Variants in TBC1D22A observed in about 807,000 individuals in gnomAD.
TBC1D22A encodes the protein TBC1 domain family member 22A.
In TBC1D22A, 38 loss-of-function variants were observed where a neutral mutation model predicts 60.2. The ratio of observed to expected loss-of-function variants is 0.63; its 90% confidence interval spans 0.49 to 0.83. TBC1D22A has a LOEUF of 0.83. TBC1D22A is among the 40% of genes least tolerant of loss of function. TBC1D22A has a pLI of 0.00. For missense variants in TBC1D22A, 628 were observed against 701.0 expected, an observed-to-expected ratio of 0.90 and a Z score of 1.18; for synonymous variants, 302 against 281.7, an observed-to-expected ratio of 1.07 and a Z score of -0.72.
At chr22:46,978,490 A>C (rs1428718933) in intron 9 of TBC1D22A, among the ~76,000 whole-genome samples, 1 of 152,258 alleles carries the variant, frequency 6.6e-6, no homozygotes, top group African/African-American at 2.4e-5. Context: ...CTAACTTAAT[A>C]GAAGAATTCT....
chr22:46,829,302 A>G (rs1602052677), intron 4 of TBC1D22A, among the ~76,000 whole-genome samples: 1 of 152,218 alleles, frequency 6.6e-6, no homozygotes, highest in Non-Finnish European at 1.5e-5. Flanking sequence ...TTCAGGGCAC[A>G]TATTACGTAG....
chr22:46,787,610 G>C (rs1223889830), intron 1 of TBC1D22A, among the ~76,000 whole-genome samples: 1 of 152,108 alleles, frequency 6.6e-6, no homozygotes, highest in African/African-American at 2.4e-5. Flanking sequence ...TAGTTGCAAA[G>C]GTACATATGT....
intron 8 of TBC1D22A, among the ~76,000 whole-genome samples, chr22:46,924,703 C>T (rs1167640859): frequency 6.6e-6 from 1 of 151,864 alleles, no homozygotes; most frequent in Non-Finnish European, 1.5e-5. Flanking sequence ...CAAGATTGTG[C>T]CATTGCACTC....
At chr22:47,103,321 C>A (rs1416782498) in intron 11 of TBC1D22A, among the ~76,000 whole-genome samples, 1 of 152,174 alleles carries the variant, frequency 6.6e-6, no homozygotes, top group African/African-American at 2.4e-5. Flanking sequence ...GCCAGGGCTC[C>A]TGGGAAGAAG....
At chr22:47,123,035 A>G (rs1008842454) in intron 12 of TBC1D22A, among the ~76,000 whole-genome samples, 1 of 152,146 alleles carries the variant, frequency 6.6e-6, no homozygotes, top group African/African-American at 2.4e-5. Flanking sequence ...TATCATTTCT[A>G]GTTTTTTCTT....
At chr22:46,801,665 C>T (rs903066389) in intron 4 of TBC1D22A, among the ~76,000 whole-genome samples, 38 of 152,232 alleles carry the variant, frequency 2.5e-4, no homozygotes, top group African/African-American at 8.7e-4. Flanking sequence ...GGGCCTGCCT[C>T]GCAGCAGTGG....
intron 8 of TBC1D22A, among the ~76,000 whole-genome samples, chr22:46,959,458 A>G (rs9615430): frequency 0.058 from 8,783 of 152,252 alleles, 381 homozygotes; most frequent in Non-Finnish European, 0.09. Flanking sequence ...CCGCCTCCCT[A>G]TGAGCCTTGG....
At chr22:47,139,318 C>T (rs2147137805) in intron 12 of TBC1D22A, among the ~76,000 whole-genome samples, 1 of 152,340 alleles carries the variant, frequency 6.6e-6, no homozygotes, top group Admixed American at 6.5e-5. Flanking sequence ...TCAGAGGACA[C>T]CGCTGACACA....
chr22:46,785,756 A>G (rs968444778), intron 1 of TBC1D22A, among the ~76,000 whole-genome samples: 1 of 152,316 alleles, frequency 6.6e-6, no homozygotes, highest in South Asian at 2.1e-4. Flanking sequence ...TTCAAGATTG[A>G]TCTACGTTGT....
At chr22:46,818,946 C>T (rs1005122469) in intron 4 of TBC1D22A, among the ~76,000 whole-genome samples, 3 of 152,164 alleles carry the variant, frequency 2.0e-5, no homozygotes, top group Non-Finnish European at 2.9e-5. Flanking sequence ...AGAGGTCCTT[C>T]ACATCCCTTG....
intron 11 of TBC1D22A, among the ~76,000 whole-genome samples, chr22:47,093,351 CA>C (rs1166756494): frequency 6.6e-6 from 1 of 152,076 alleles, no homozygotes. Context: ...AAATCAAGGT[CA>C]TTTTTTTTGA....
In TBC1D22A at chr22:47,161,822, C is replaced by G. The variant is rs370030357; in HGVS notation, c.1426-11676C>G. Among the ~76,000 whole-genome samples, 20 of 152,252 alleles carry G rather than the reference C, an allele frequency of 1.3e-4. No homozygotes were observed. In the East Asian group the frequency reaches 1.7e-3, roughly 13 times the overall value. ...GAGCTCTCTAGCGTCCGCGAATACC[C>G]AGGGGCCCTTCGAGCATCCTCAGCT... is the stretch of plus-strand genomic sequence containing the variant. On this transcript the variant is annotated intron_variant, in intron 12 of 12. Transcript: ENST00000337137.
chr22:46,872,511 A>G (rs1047186159), intron 4 of TBC1D22A, among the ~76,000 whole-genome samples: 1 of 152,238 alleles, frequency 6.6e-6, no homozygotes, highest in African/African-American at 2.4e-5. Context: ...ACTGGACCAG[A>G]TATGTGAAAC....
chr22:47,027,049 T>A (rs983480814), intron 10 of TBC1D22A, among the ~76,000 whole-genome samples: 2 of 152,248 alleles, frequency 1.3e-5, no homozygotes, highest in African/African-American at 4.8e-5. Flanking sequence ...AGCATGTTGT[T>A]GCCATTGAGA....
At chr22:46,952,299 G>A (rs1048273092) in intron 8 of TBC1D22A, among the ~76,000 whole-genome samples, 1 of 103,312 alleles carries the variant, frequency 9.7e-6, no homozygotes, top group Admixed American at 1.0e-4. Context: ...TGTGTGTGCC[G>A]CTTGTCCTCC....
chr22:46,971,690 A>G (rs2148116708), intron 8 of TBC1D22A, among the ~76,000 whole-genome samples: 1 of 152,352 alleles, frequency 6.6e-6, no homozygotes, highest in South Asian at 2.1e-4. Context: ...GCTCACTCCC[A>G]CCATTGCCTC....
intron 4 of TBC1D22A, among the ~76,000 whole-genome samples, chr22:46,842,093 T>G (rs2086797229): frequency 6.6e-6 from 1 of 152,252 alleles, no homozygotes; most frequent in Non-Finnish European, 1.5e-5. Flanking sequence ...TAGATGGGTT[T>G]GTAAGTTACA....
chr22:46,824,108 A>G (rs182337343), intron 4 of TBC1D22A, among the ~76,000 whole-genome samples: 1 of 152,340 alleles, frequency 6.6e-6, no homozygotes, highest in East Asian at 1.9e-4. Flanking sequence ...TCAGTATATA[A>G]TAGATATAAA....
chr22:46,910,107 A>G (rs931585355), intron 7 of TBC1D22A, among the ~76,000 whole-genome samples: 9 of 152,232 alleles, frequency 5.9e-5, no homozygotes, highest in South Asian at 2.1e-4. Flanking sequence ...AAAGTTGTCA[A>G]CTGAAAATGG....
Sources: gnomAD v4.1 joint callset for allele counts (sites outside exome capture counted in the v4.1 genomes callset) on GRCh38, gnomAD v4.1.1 for gene constraint, MANE v1.5 for transcripts, NCBI Gene and HGNC (gene_info 2026-07-23, HGNC 2026-07-21) for gene names.